Variants in CCDC9B observed in about 807,000 individuals in gnomAD.
CCDC9B encodes the protein coiled-coil domain containing 9B.
A neutral mutation model predicts 47.2 loss-of-function variants in CCDC9B; 40 were observed. That is an observed-to-expected ratio of 0.85 (90% CI 0.66 to 1.10). The LOEUF (loss-of-function observed/expected upper bound fraction) is 1.10. Among genes scored for constraint, CCDC9B ranks in the 50% least tolerant of loss-of-function variants. The pLI is 0.00. For synonymous variants in CCDC9B, 238 were observed against 250.7 expected (o/e 0.95, Z 0.48); for missense variants, 662 against 651.0 (o/e 1.02, Z -0.18).
chr15:40,340,797 C>G lies in CCDC9B; in HGVS notation c.12+11G>C. The G allele has an allele frequency of 6.2e-7, 1 of 1,605,938 alleles. No homozygotes were observed. Among genetic ancestry groups the G allele is most frequent in the Non-Finnish European group, 8.5e-7 (1 of 1,177,188 alleles). ...CAAGAAGCCCCCTGCCAAAGGCAGA[C>G]TGCCACTCACAGCCGAGTGCATGGC... On this transcript the variant is annotated intron_variant, in intron 1 of 10. Transcript: ENST00000397536.
At chr15:40,336,835 G>C (rs760005239) in intron 7 of CCDC9B, 22 bp from the exon 8 acceptor site, 64 of 1,586,422 alleles carry the variant, frequency 4.0e-5, no homozygotes, top group Non-Finnish European at 5.2e-5. Flanking sequence ...AAAAGAAGTG[G>C]GGAAAGGTGG....
At chr15:40,339,475 C>T in intron 3 of CCDC9B, 37 bp downstream of exon 3, 3 of 1,608,418 alleles carry the variant, frequency 1.9e-6, no homozygotes, top group Non-Finnish European at 2.6e-6. Context: ...GCCTCCACCT[C>T]CTTGCTACGA....
rs994116300 is a variant in CCDC9B, at chr15:40,332,614, C to T, written c.*2544G>A. 5 of 152,290 alleles carry T rather than the reference C, an allele frequency of 3.3e-5. No individual in the cohort carries two copies. Among genetic ancestry groups the T allele is most frequent in the Non-Finnish European group, 5.9e-5 (4 of 68,088 alleles). The allele number at this position is 152,290 out of a possible 1,614,324, so 9.4% of individuals were successfully genotyped here. On this transcript the variant is annotated 3_prime_UTR_variant, in exon 11 of 11. Transcript: ENST00000397536. Reference sequence around the variant, plus strand: ...CCTACATCCTCATTCCAGGGTCAGACGAGCCTGGCATATGCCCCTTCGTGG... The same window carrying T: ...CCTACATCCTCATTCCAGGGTCAGATGAGCCTGGCATATGCCCCTTCGTGG...
rs368967516 is a variant in CCDC9B at position 40,338,844 on chromosome 15, G to A, written c.291C>T (p.Asn97=). The A allele has an allele frequency of 2.3e-4, 377 of 1,614,016 alleles. No individual in the cohort carries two copies. Among genetic ancestry groups the A allele is most frequent in the Non-Finnish European group, 2.9e-4 (339 of 1,180,030 alleles). ...CAGCATCCTCATCCTCAAGCATCTC[G>A]TTGGTCACTCTGGGTCCACAGGTAC... ...ARGTCGPRVT[N]EMLEDEDAED... Residue 97 remains asparagine, a synonymous_variant, in exon 4 of 11, where the codon AAC becomes AAT. Transcript: ENST00000397536.
chr15:40,336,530 ACACC>A (rs758775313), intron 9 of CCDC9B, 40 bp downstream of exon 9: 124 of 1,597,728 alleles, frequency 7.8e-5, no homozygotes, highest in Non-Finnish European at 1.0e-4. Flanking sequence ...GGAAATTGGG[ACACC>A]CACATGCCCG....
Position 40,335,389 on chromosome 15 carries a change from C to G in CCDC9B, c.1242G>C (p.Gln414His), listed in dbSNP as rs1251249254. 6.2e-7 allele frequency: 1 copy of G among 1,613,162 alleles called. No individual in the cohort carries two copies. The highest frequency in any genetic ancestry group is 1.3e-5 in the African/African-American group (1 of 75,058). Residue 414 changes from glutamine (Q) to histidine (H), a missense_variant, in exon 11 of 11, where the codon CAG becomes CAC. Coordinates refer to ENST00000397536, the MANE Select transcript of CCDC9B (RefSeq NM_207380.3). ...GGTGATTGCTCCACCCCAGGGGCTG[C>G]TGCTTAGAGCCCTCTGGCCAAGACA... is the stretch of plus-strand genomic sequence containing the variant. ...SPVSWPEGSK[Q>H]QPLGWSNHQA... is the part of the protein sequence containing the mutation.
At chr15:40,336,148 G>A in intron 9 of CCDC9B, 1 of 985,426 alleles carries the variant, frequency 1.0e-6, no homozygotes, top group Non-Finnish European at 1.2e-6. Context: ...TGGGATCAGA[G>A]CCAGAATGTG....
chr15:40,337,858 C>T lies in CCDC9B; in HGVS notation c.549G>A (p.Glu183=). 1 of 1,606,666 alleles carries T rather than the reference C, an allele frequency of 6.2e-7. No individual in the cohort carries two copies. Among genetic ancestry groups the T allele is most frequent in the Non-Finnish European group, 8.5e-7 (1 of 1,177,488 alleles). ...CATAGTCCCAGCCCGCCTCCGGGGG[C>T]TCCCCCACCGGCCGGCTCCAGGGCT... is the stretch of plus-strand genomic sequence containing the variant. ...SWEPWSRPVG[E]PPEAGWDYAQ... The change falls in exon 6 of 11, where the codon GAG becomes GAA. Residue 183 remains glutamate, a synonymous_variant. Transcript: ENST00000397536.
chr15:40,335,479 G>C lies in CCDC9B; in HGVS notation c.1152C>G (p.Gly384=), dbSNP rs1888936714. ...APLDLSLGGA[G]IPGPRESGCV... ...ACCCGCTCTCCCTGGGCCCAGGGAT[G>C]CCAGCCCCTCCTAGGGAGAGGTCAA... is the stretch of plus-strand genomic sequence containing the variant. The change falls in exon 11 of 11, where the codon GGC becomes GGG. Residue 384 remains glycine (G), a synonymous_variant. Coordinates refer to ENST00000397536, the MANE Select transcript of CCDC9B (RefSeq NM_207380.3). 2 of 1,591,996 alleles carry C rather than the reference G, an allele frequency of 1.3e-6. No homozygotes were observed. The highest frequency in any genetic ancestry group is 2.7e-5 in the African/African-American group (2 of 74,326).
At position 40,337,502 on chromosome 15, in the gene CCDC9B, C is replaced by T. The variant is rs528316908; in HGVS notation, c.684-56G>A. On this transcript the variant is annotated intron_variant, in intron 6 of 10. Transcript: ENST00000397536. The stretch of plus-strand genomic sequence containing the variant: ...TGCACAGAAGCTGCCGCGGGCCCCA[C>T]CCTGACACCCCCCTCCCCGAAGCCC... 2.8e-6 allele frequency: 4 copies of T among 1,427,884 alleles called. No homozygotes were observed. The African/African-American group carries it at 4.3e-5, about 15-fold the overall frequency. 88.5% of individuals were successfully genotyped at this position (1,427,884 alleles called of 1,614,324 possible). A position where few individuals can be genotyped will look rare whatever the true frequency, so the allele number is the denominator to read the frequency against.
In CCDC9B at chr15:40,340,866, C is replaced by T. The variant is rs371765348; in HGVS notation, c.-47G>A. 112 of 1,609,226 alleles carry T rather than the reference C, an allele frequency of 7.0e-5. No individual in the cohort carries two copies. Among genetic ancestry groups the T allele is most frequent in the Non-Finnish European group, 9.3e-5 (110 of 1,178,570 alleles). On this transcript the variant is annotated 5_prime_UTR_variant, in exon 1 of 11. Coordinates refer to ENST00000397536, the MANE Select transcript of CCDC9B (RefSeq NM_207380.3). Reference sequence around the variant, plus strand: ...AATTCCAGAGCAGCCCCTGGGGAGCCAGAGTGGGAGGAAAGCTGGAGCCAC... The same window carrying T: ...AATTCCAGAGCAGCCCCTGGGGAGCTAGAGTGGGAGGAAAGCTGGAGCCAC...
chr15:40,340,308 C>T (rs1477770484), intron 1 of CCDC9B: 5 of 428,160 alleles, frequency 1.2e-5, no homozygotes, highest in Non-Finnish European at 2.1e-5. Context: ...AGCTTCACTG[C>T]CGAGCAGAGC....
chr15:40,336,372 A>C, intron 9 of CCDC9B: 2 of 985,380 alleles, frequency 2.0e-6, no homozygotes, highest in Non-Finnish European at 2.4e-6. Context: ...GAGCTGCTGT[A>C]ATTACCACCA....
chr15:40,337,657 C>G, intron 6 of CCDC9B, 67 bp downstream of exon 6: 11 of 1,506,154 alleles, frequency 7.3e-6, no homozygotes, highest in Non-Finnish European at 9.8e-6. Context: ...CCCTGCAGCC[C>G]TCCCAGCAGT....
At position 40,339,561 on chromosome 15, in the gene CCDC9B, G is replaced by A; in HGVS notation, c.182C>T (p.Ala61Val). ...GGTGAGGCCATCAGGCTGGAGGAGT[G>A]CTGGTGTGGTCACAGCCATCCCCCC... ...EQGGMAVTTP[A>V]LLQPDGLTVT... is the part of the protein sequence containing the mutation. The change falls in exon 3 of 11, where the codon GCA becomes GTA. Residue 61 changes from alanine (A) to valine (V), a missense_variant. By Grantham distance (64) the Ala-to-Val change is moderately conservative. Coordinates refer to ENST00000397536, the MANE Select transcript of CCDC9B (RefSeq NM_207380.3). The A allele has an allele frequency of 1.2e-6, 2 of 1,612,750 alleles. No homozygotes were observed. Among genetic ancestry groups the A allele is most frequent in the Non-Finnish European group, 1.7e-6 (2 of 1,178,898 alleles).
chr15:40,336,914 AGTCGTGGGTTTT>A, intron 7 of CCDC9B, 101 bp from the exon 8 acceptor site: 2 of 1,286,352 alleles, frequency 1.6e-6, no homozygotes, highest in South Asian at 2.6e-5. Flanking sequence ...CCTCGGGGCC[AGTCGTGGGTTTT>A]GCCTCCCCAA....
chr15:40,338,288 C>T (rs1889011237), intron 5 of CCDC9B, among the ~76,000 whole-genome samples: 1 of 152,222 alleles, frequency 6.6e-6, no homozygotes, highest in Non-Finnish European at 1.5e-5. Flanking sequence ...CTCCCCAACT[C>T]CCATGCCACC....
In CCDC9B at chr15:40,340,023, G is replaced by C. The variant is rs568530706; in HGVS notation, c.13-8C>G. ...CTCGGCTCTGGGAGTTCCCTGCAGA[G>C]GCAGGGAACCCAAGCTCCTGACTTC... On this transcript the variant is annotated splice_region_variant and splice_polypyrimidine_tract_variant and intron_variant, in intron 1 of 10. Transcript: ENST00000397536. 9.5e-6 allele frequency: 15 copies of C among 1,577,100 alleles called. No individual in the cohort carries two copies. The highest frequency in any genetic ancestry group is 6.7e-5 in the East Asian group (3 of 44,704).
At position 40,334,132 on chromosome 15, in the gene CCDC9B, G is replaced by T. The variant is rs1322814264; in HGVS notation, c.*1026C>A. On this transcript the variant is annotated 3_prime_UTR_variant, in exon 11 of 11. Coordinates refer to ENST00000397536, the MANE Select transcript of CCDC9B (RefSeq NM_207380.3). The stretch of plus-strand genomic sequence containing the variant: ...CCGTCGCCTACCGGCTGGATTACTG[G>T]TAGTGGGTGCTCAGGAAATGTTTGT... The T allele has an allele frequency of 6.5e-6, 1 of 152,734 alleles. No individual in the cohort carries two copies. Among genetic ancestry groups the T allele is most frequent in the Admixed American group, 6.5e-5 (1 of 15,290 alleles). 9.5% of individuals were successfully genotyped at this position (152,734 alleles called of 1,614,324 possible).
Sources: allele counts gnomAD v4.1 joint callset (sites outside exome capture counted in the v4.1 genomes callset), GRCh38; gene constraint gnomAD v4.1.1; transcripts MANE v1.5; gene names NCBI Gene and HGNC (gene_info 2026-07-23, HGNC 2026-07-21).